ADGRL3: variants seen among roughly 807,000 people sequenced by gnomAD.
The protein encoded by ADGRL3 is adhesion G protein-coupled receptor L3.
ADGRL3 carries 62 observed loss-of-function variants against 153.5 expected under a neutral mutation model. That is an observed-to-expected ratio of 0.40 (90% CI 0.33 to 0.50). The LOEUF is 0.50. ADGRL3 is among the 20% of genes least tolerant of loss of function. ADGRL3 has a pLI of 0.47. For missense variants in ADGRL3, 1,641 were observed against 1,859.4 expected, an observed-to-expected ratio of 0.88 and a Z score of 2.16; for synonymous variants, 710 against 672.5, an observed-to-expected ratio of 1.06 and a Z score of -0.86.
Position 61,790,432 on chromosome 4 carries a change from A to G in ADGRL3, c.1400-23377A>G, listed in dbSNP as rs960071129. On this transcript the variant is annotated intron_variant, in intron 8 of 26. Coordinates refer to ENST00000683033, the MANE Select transcript of ADGRL3 (RefSeq NM_001387552.1). ...GTGGATGATACCAAAGCTTATATGC[A>G]TGCTTTTTCCTAATCATACATATAA... Among the ~76,000 whole-genome samples the G allele has an allele frequency of 1.1e-4, 16 of 152,306 alleles. No individual in the cohort carries two copies. In the South Asian group the frequency reaches 3.3e-3, roughly 32 times the overall value.
At chr4:61,250,967 G>T (rs1505673) in intron 1 of ADGRL3, among the ~76,000 whole-genome samples, 1 of 151,900 alleles carries the variant, frequency 6.6e-6, no homozygotes, top group Non-Finnish European at 1.5e-5. Flanking sequence ...TATTACTACC[G>T]TTTCTATTAT....
chr4:61,672,064 C>A (rs545062091), intron 5 of ADGRL3, among the ~76,000 whole-genome samples: 169 of 152,204 alleles, frequency 1.1e-3, no homozygotes, highest in African/African-American at 3.6e-3. Context: ...GTTAGATGCA[C>A]TACAATTTGT....
At chr4:61,382,683 G>A (rs2096685162) in intron 1 of ADGRL3, among the ~76,000 whole-genome samples, 1 of 151,720 alleles carries the variant, frequency 6.6e-6, no homozygotes, top group South Asian at 2.1e-4. Context: ...GTATGTATAT[G>A]TGTATGATTA....
chr4:61,362,973 A>G (rs1363167573), intron 1 of ADGRL3, among the ~76,000 whole-genome samples: 1 of 152,196 alleles, frequency 6.6e-6, no homozygotes, highest in East Asian at 1.9e-4. Context: ...TCATCGTCCT[A>G]TATTTTGATT....
At position 62,060,756 on chromosome 4, in the gene ADGRL3, CT is replaced by C. The variant is rs529304404; in HGVS notation, c.3815-7402del. Among the ~76,000 whole-genome samples, 368 of 151,494 alleles carry C rather than the reference CT, an allele frequency of 2.4e-3. 1 individual carries two copies. The highest frequency in any genetic ancestry group is 8.5e-3 in the African/African-American group (351 of 41,408). Reference sequence around the variant, plus strand: ...TGTCCAAAAGGCACCATGATGAACTCTTTTTTTTCTCATAAAATACCATATA... The same window carrying C: ...TGTCCAAAAGGCACCATGATGAACTCTTTTTTTCTCATAAAATACCATATA... On this transcript the variant is annotated intron_variant, in intron 25 of 26. Transcript: ENST00000683033.
chr4:61,779,604 A>G (rs1404525449), intron 8 of ADGRL3, among the ~76,000 whole-genome samples: 1 of 131,218 alleles, frequency 7.6e-6, no homozygotes, highest in African/African-American at 2.9e-5. Flanking sequence ...TGAGCCACCC[A>G]GCCTCGGTGC....
chr4:61,359,885 A>G (rs1369438846), intron 1 of ADGRL3, among the ~76,000 whole-genome samples: 3 of 152,182 alleles, frequency 2.0e-5, no homozygotes, highest in Admixed American at 6.5e-5. Context: ...TTTAAATCAC[A>G]TAGTACATAT....
At chr4:61,385,469 G>A (rs1456938281) in intron 2 of ADGRL3, 1 of 152,162 alleles carries the variant, frequency 6.6e-6, no homozygotes. Context: ...AAACTAGTGT[G>A]TGGGCCTGGA....
At chr4:61,535,476 C>T (rs972349008) in intron 4 of ADGRL3, among the ~76,000 whole-genome samples, 2 of 152,022 alleles carry the variant, frequency 1.3e-5, no homozygotes, top group Non-Finnish European at 2.9e-5. Flanking sequence ...GGAATACCTT[C>T]TCCTCAACTC....
intron 8 of ADGRL3, among the ~76,000 whole-genome samples, chr4:61,786,802 C>T (rs2097281705): frequency 6.6e-6 from 1 of 152,124 alleles, no homozygotes; most frequent in African/African-American, 2.4e-5. Flanking sequence ...TCTAGGCACA[C>T]AGCTAGGATA....
At chr4:61,552,156 A>G (rs538724356) in intron 4 of ADGRL3, among the ~76,000 whole-genome samples, 25 of 73,328 alleles carry the variant, frequency 3.4e-4, no homozygotes, top group African/African-American at 1.3e-3. Flanking sequence ...GCAACTGCTT[A>G]ATGACAATAA....
intron 8 of ADGRL3, among the ~76,000 whole-genome samples, chr4:61,758,209 G>C (rs1247215071): frequency 6.6e-6 from 1 of 152,048 alleles, no homozygotes; most frequent in Non-Finnish European, 1.5e-5. Context: ...GACAATCCCT[G>C]GATATCCCTG....
intron 1 of ADGRL3, among the ~76,000 whole-genome samples, chr4:61,373,192 C>G (rs150790192): frequency 6.6e-6 from 1 of 152,162 alleles, no homozygotes; most frequent in Non-Finnish European, 1.5e-5. Context: ...CCGTCTTCGT[C>G]GCTCAGGCTG....
At chr4:61,837,198 A>T (rs2097949837) in intron 9 of ADGRL3, among the ~76,000 whole-genome samples, 1 of 152,118 alleles carries the variant, frequency 6.6e-6, no homozygotes, top group African/African-American at 2.4e-5. Flanking sequence ...AAAGTAGCAA[A>T]ATACTGTGCC....
chr4:61,588,008 T>A (rs1450137747), intron 5 of ADGRL3, among the ~76,000 whole-genome samples: 1 of 151,960 alleles, frequency 6.6e-6, no homozygotes, highest in African/African-American at 2.4e-5. Context: ...ATCATATAAA[T>A]GAATGTATCA....
chr4:61,467,886 G>A (rs576391411), intron 2 of ADGRL3, among the ~76,000 whole-genome samples: 2 of 152,190 alleles, frequency 1.3e-5, no homozygotes, highest in South Asian at 2.1e-4. Context: ...ATGGTCCTAT[G>A]TATGTATAAC....
intron 12 of ADGRL3, among the ~76,000 whole-genome samples, chr4:61,910,179 TG>T (rs1349745991): frequency 6.6e-6 from 1 of 151,842 alleles, no homozygotes; most frequent in Non-Finnish European, 1.5e-5. Context: ...GAAGAATGGA[TG>T]GATCTCTATC....
At chr4:61,326,892 T>A (rs980309655) in intron 1 of ADGRL3, among the ~76,000 whole-genome samples, 1 of 151,944 alleles carries the variant, frequency 6.6e-6, no homozygotes, top group South Asian at 2.1e-4. Context: ...TTGGCTATCA[T>A]TGATGCTAAG....
intron 1 of ADGRL3, among the ~76,000 whole-genome samples, chr4:61,336,457 G>A (rs1481465000): frequency 6.6e-6 from 1 of 152,054 alleles, no homozygotes; most frequent in Non-Finnish European, 1.5e-5. Flanking sequence ...TGTAACATTT[G>A]CATTTTCTGA....
Sources: allele counts gnomAD v4.1 joint callset (sites outside exome capture counted in the v4.1 genomes callset), GRCh38; gene constraint gnomAD v4.1.1; transcripts MANE v1.5; gene names NCBI Gene and HGNC (gene_info 2026-07-23, HGNC 2026-07-21).